The following PNLIP variants were observed in gnomAD, a reference collection of about 807,000 sequenced individuals.
PNLIP encodes the protein pancreatic lipase.
In PNLIP, 49 loss-of-function variants were observed where a neutral mutation model predicts 57.1. The ratio of observed to expected loss-of-function variants is 0.86; its 90% CI spans 0.68 to 1.09. The LOEUF is 1.09. Among genes scored for constraint, PNLIP ranks in the 50% least tolerant of loss-of-function variants. The pLI is 0.00. For synonymous variants in PNLIP, 209 were observed against 200.4 expected, an observed-to-expected ratio of 1.04 and a Z score of -0.36; for missense variants, 503 against 570.2, an observed-to-expected ratio of 0.88 and a Z score of 1.20.
At position 116,545,942 on chromosome 10, in the gene PNLIP, C is replaced by T; in HGVS notation, c.-17C>T. On this transcript the variant is annotated 5_prime_UTR_variant, in exon 1 of 13. Transcript: ENST00000369221. ...GTTGCTATCTGGTTGCGTGTGGAAC[C>T]TGACGGAACTGCCACGGTGAGTCGG... 5 of 621,944 alleles carry T rather than the reference C, an allele frequency of 8.0e-6. No homozygotes were observed. Among genetic ancestry groups the T allele is most frequent in the Non-Finnish European group, 1.4e-5 (5 of 346,740 alleles). 38.5% of individuals were successfully genotyped at this position (621,944 alleles called of 1,614,324 possible). A position where few individuals can be genotyped will look rare whatever the true frequency, so the allele number is the denominator to read the frequency against.
chr10:116,567,384 C>T (rs3010493), intron 12 of PNLIP, among the ~76,000 whole-genome samples: 134,693 of 152,148 alleles, frequency 0.89, 59,892 homozygotes, highest in Non-Finnish European at 0.92. Flanking sequence ...AGAAATTAGA[C>T]TTTATACACT....
Position 116,560,508 on chromosome 10 carries a change from C to G in PNLIP, c.1153C>G (p.Gln385Glu), listed in dbSNP as rs764079631. 6.5e-7 allele frequency: 1 copy of G among 1,540,382 alleles called. No homozygotes were observed. The highest frequency in any genetic ancestry group is 8.9e-7 in the Non-Finnish European group (1 of 1,123,272). Reference sequence around the variant, plus strand: ...GTTCGGAAATAAAGGAAACTCTAAGCAGTATGAAATTTTCAAGTGAGTAAA... The same window carrying G: ...GTTCGGAAATAAAGGAAACTCTAAGGAGTATGAAATTTTCAAGTGAGTAAA... ...SLFGNKGNSK[Q>E]YEIFKGTLKP... is the part of the protein sequence containing the mutation. Residue 385 changes from glutamine to glutamate, a missense_variant, in exon 11 of 13, where the codon CAG becomes GAG. By Grantham distance (29) the Gln-to-Glu change is conservative. Transcript: ENST00000369221.
At position 116,547,351 on chromosome 10, in the gene PNLIP, G is replaced by A; in HGVS notation, c.104G>A (p.Gly35Glu). The A allele has an allele frequency of 6.2e-7, 1 of 1,614,096 alleles. No individual in the cohort carries two copies. The highest frequency in any genetic ancestry group is 8.5e-7 in the Non-Finnish European group (1 of 1,179,972). ...TTCAGTGATGACTCCCCATGGTCAG[G>A]AATTACGGAAAGACCCCTCCATATA... The part of the protein sequence containing the change: ...GCFSDDSPWS[G>E]ITERPLHILP... Residue 35 changes from glycine to glutamate, a missense_variant, in exon 3 of 13, where the codon GGA (glycine) becomes GAA (glutamate). By Grantham distance (98) the Gly-to-Glu change is moderately conservative. Coordinates refer to ENST00000369221, the MANE Select transcript of PNLIP (RefSeq NM_000936.4).
chr10:116,562,021 G>T (rs1333359404), intron 12 of PNLIP, among the ~76,000 whole-genome samples: 2 of 152,164 alleles, frequency 1.3e-5, no homozygotes, highest in Non-Finnish European at 2.9e-5. Context: ...ATGTTTCAAG[G>T]AATAGAAATA....
chr10:116,554,631 GTC>G (rs1186003425), intron 6 of PNLIP, among the ~76,000 whole-genome samples: 7 of 152,266 alleles, frequency 4.6e-5, no homozygotes, highest in African/African-American at 1.7e-4. Flanking sequence ...CAACCTTTTT[GTC>G]TCTGACTTGG....
intron 6 of PNLIP, among the ~76,000 whole-genome samples, chr10:116,554,584 T>A (rs1031359374): frequency 2.0e-5 from 3 of 152,216 alleles, no homozygotes; most frequent in African/African-American, 4.8e-5. Context: ...GAGGTGATTA[T>A]TTTAAGGAAG....
In PNLIP at chr10:116,554,899, G is replaced by A. The variant is rs187065061; in HGVS notation, c.572-279G>A. Among the ~76,000 whole-genome samples, 21 of 152,252 alleles carry A rather than the reference G, an allele frequency of 1.4e-4. No homozygotes were observed. The East Asian group carries it at 3.7e-3, about 27-fold the overall frequency. On this transcript the variant is annotated intron_variant, in intron 6 of 12. Coordinates refer to ENST00000369221, the MANE Select transcript of PNLIP (RefSeq NM_000936.4). The stretch of plus-strand genomic sequence containing the variant: ...CTAATGGGGACTATTTTAACCCTGC[G>A]TGGTTTTTAGTCCAGTGTGTCCCAG...
chr10:116,555,605 AT>A, intron 8 of PNLIP, 98 bp downstream of exon 8: 2 of 1,311,594 alleles, frequency 1.5e-6, no homozygotes, highest in Non-Finnish European at 1.1e-6. Context: ...CAGGTCTCAC[AT>A]TTTACATAAC....
At chr10:116,547,223 C>T in intron 2 of PNLIP, 71 bp from the exon 3 acceptor site, 3 of 1,428,488 alleles carry the variant, frequency 2.1e-6, no homozygotes, top group South Asian at 2.3e-5. Context: ...TGTAATTGAA[C>T]TCATATATTG....
intron 11 of PNLIP, among the ~76,000 whole-genome samples, chr10:116,561,123 G>A (rs534519731): frequency 6.6e-6 from 1 of 152,102 alleles, no homozygotes; most frequent in East Asian, 1.9e-4. Context: ...TAATTAATTA[G>A]TCTGCCCACA....
Position 116,553,742 on chromosome 10 carries a change from T to G in PNLIP, c.475T>G (p.Ser159Ala), listed in dbSNP as rs779813298. Residue 159 changes from serine (S) to alanine (A), a missense_variant, in exon 6 of 13, where the codon TCA (serine) becomes GCA (alanine). Physicochemically the swap from Ser to Ala is moderately conservative, Grantham distance 99. Transcript: ENST00000369221. ...TTTCCGACAGTCGGCGTTCGGTTAC[T>G]CACCTTCCAATGTGCATGTCATTGG... ...VEFLQSAFGY[S>A]PSNVHVIGHS... 13 of 1,611,882 alleles carry G rather than the reference T, an allele frequency of 8.1e-6. No homozygotes were observed. Among genetic ancestry groups the G allele is most frequent in the Middle Eastern group, 1.6e-4 (1 of 6,078 alleles).
intron 10 of PNLIP, 107 bp from the exon 11 acceptor site, chr10:116,560,309 A>ACACACAC: frequency 1.6e-6 from 1 of 609,456 alleles, no homozygotes; most frequent in Non-Finnish European, 2.9e-6. Context: ...ACACACACAC[A>ACACACAC]ATTATAAATA....
rs1030553176 is a variant in PNLIP at position 116,561,743 on chromosome 10, C to T, written c.1334+107C>T. On this transcript the variant is annotated intron_variant, in intron 12 of 12. Coordinates refer to ENST00000369221, the MANE Select transcript of PNLIP (RefSeq NM_000936.4). Reference sequence around the variant, plus strand: ...GAAACCTCCTACAGGGGATCGCCTACATCCTAGTTGCAGTTGCTTCCTAAT... The same window carrying T: ...GAAACCTCCTACAGGGGATCGCCTATATCCTAGTTGCAGTTGCTTCCTAAT... 4.7e-5 allele frequency: 45 copies of T among 961,150 alleles called. No homozygotes were observed. In the Admixed American group the frequency reaches 5.8e-4, roughly 12 times the overall value. 59.5% of individuals were successfully genotyped at this position (961,150 alleles called of 1,614,324 possible). A position where few individuals can be genotyped will look rare whatever the true frequency, so the allele number is the denominator to read the frequency against.
chr10:116,559,750 T>C (rs1847293390), intron 10 of PNLIP, among the ~76,000 whole-genome samples: 1 of 152,184 alleles, frequency 6.6e-6, no homozygotes, highest in South Asian at 2.1e-4. Context: ...GAACAGGTTC[T>C]GGGTTTCTTT....
At position 116,563,970 on chromosome 10, in the gene PNLIP, C is replaced by A. The variant is rs571975889; in HGVS notation, c.1334+2334C>A. 2.8e-3 allele frequency among the ~76,000 whole-genome samples: 419 copies of A among 152,046 alleles called. 1 individual carries two copies. Among genetic ancestry groups the A allele is most frequent in the Non-Finnish European group, 4.7e-3 (316 of 67,954 alleles). On this transcript the variant is annotated intron_variant, in intron 12 of 12. Transcript: ENST00000369221. ...TTTGAAATAAGACCCTTTTTTAGGT[C>A]TTTGAAGACCCTAACAAAGAAGGGA...
chr10:116,563,080 C>T (rs1434375995), intron 12 of PNLIP, among the ~76,000 whole-genome samples: 4 of 152,116 alleles, frequency 2.6e-5, no homozygotes, highest in Non-Finnish European at 5.9e-5. Flanking sequence ...ACAAAACTGA[C>T]ATAGATGTTA....
intron 4 of PNLIP, among the ~76,000 whole-genome samples, chr10:116,549,611 G>A (rs891732226): frequency 2.6e-5 from 4 of 152,186 alleles, no homozygotes; most frequent in Non-Finnish European, 5.9e-5. Flanking sequence ...GATGAGCACT[G>A]TAGAATCTGT....
intron 4 of PNLIP, among the ~76,000 whole-genome samples, chr10:116,548,804 T>C (rs1056836839): frequency 2.5e-4 from 38 of 152,220 alleles, no homozygotes; most frequent in African/African-American, 8.7e-4. Flanking sequence ...CCCCTGTTTT[T>C]TCATTAGTTT....
At chr10:116,551,339 C>A in intron 5 of PNLIP, 107 bp downstream of exon 5, 1 of 757,408 alleles carries the variant, frequency 1.3e-6, no homozygotes, top group Non-Finnish European at 1.9e-6. Flanking sequence ...AAAGACACTT[C>A]TCTACTCAGA....
Sources: gnomAD v4.1 joint callset for allele counts (sites outside exome capture counted in the v4.1 genomes callset) on GRCh38, gnomAD v4.1.1 for gene constraint, MANE v1.5 for transcripts, NCBI Gene and HGNC (gene_info 2026-07-23, HGNC 2026-07-21) for gene names.